Variants in YARS1 observed in about 807,000 individuals in gnomAD.
The protein encoded by YARS1 is tyrosyl-tRNA synthetase 1.
Under a neutral mutation model 62.2 loss-of-function variants are expected in YARS1, and 36 were observed. The observed-to-expected ratio is 0.58, with a 90% CI of 0.44 to 0.76. YARS1 has a LOEUF of 0.76. Among genes scored for constraint, YARS1 ranks in the 30% least tolerant of loss-of-function variants. YARS1 has a pLI of 0.00. For synonymous variants in YARS1, 234 were observed against 244.9 expected (o/e 0.96, Z 0.42); for missense variants, 524 against 639.8 (o/e 0.82, Z 1.95).
chr1:32,789,914 G>A (rs1222570923), intron 6 of YARS1, among the ~76,000 whole-genome samples: 1 of 136,376 alleles, frequency 7.3e-6, no homozygotes, highest in Non-Finnish European at 1.6e-5. Flanking sequence ...AGGGAGTCTC[G>A]CTCTTGTTGC....
chr1:32,792,971 G>C (rs574864617), intron 5 of YARS1, among the ~76,000 whole-genome samples: 7 of 151,736 alleles, frequency 4.6e-5, no homozygotes, highest in African/African-American at 1.7e-4. Flanking sequence ...AACCAAAAAG[G>C]AAATAAGAAA....
chr1:32,790,257 C>T (rs925582668), intron 6 of YARS1, among the ~76,000 whole-genome samples: 2 of 145,484 alleles, frequency 1.4e-5, no homozygotes, highest in African/African-American at 5.0e-5. Context: ...GCCTATAATC[C>T]CAGCACCTTG....
At chr1:32,807,676 T>G (rs935088853) in intron 3 of YARS1, among the ~76,000 whole-genome samples, 2 of 152,154 alleles carry the variant, frequency 1.3e-5, no homozygotes, top group African/African-American at 4.8e-5. Context: ...CAGGCTGGTC[T>G]GGAACTGCTG....
At chr1:32,800,723 G>A (rs971041395) in intron 4 of YARS1, among the ~76,000 whole-genome samples, 1 of 151,962 alleles carries the variant, frequency 6.6e-6, no homozygotes, top group Non-Finnish European at 1.5e-5. Flanking sequence ...ACAGGCGCCC[G>A]TCACCACACC....
intron 8 of YARS1, among the ~76,000 whole-genome samples, chr1:32,784,517 C>T (rs1022886078): frequency 1.3e-5 from 2 of 152,104 alleles, no homozygotes; most frequent in Non-Finnish European, 2.9e-5. Context: ...ATACATCATG[C>T]TGCTTCATCC....
chr1:32,812,056 A>C (rs1261177791), intron 1 of YARS1, among the ~76,000 whole-genome samples: 1 of 151,992 alleles, frequency 6.6e-6, no homozygotes, highest in Non-Finnish European at 1.5e-5. Flanking sequence ...AGGTCTTGCT[A>C]TGCTGCCCTG....
chr1:32,782,190 A>T, intron 9 of YARS1: 1 of 682,474 alleles, frequency 1.5e-6, no homozygotes. Flanking sequence ...AGCTCTCAGC[A>T]ATGCCGGTAC....
At chr1:32,784,742 A>G (rs1251201325) in intron 8 of YARS1, among the ~76,000 whole-genome samples, 1 of 152,078 alleles carries the variant, frequency 6.6e-6, no homozygotes, top group African/African-American at 2.4e-5. Flanking sequence ...ACACACATAC[A>G]CACATATGTT....
At chr1:32,811,311 A>C in intron 1 of YARS1, 1 of 534,550 alleles carries the variant, frequency 1.9e-6, no homozygotes, top group East Asian at 3.5e-5. Context: ...CCTCTTACCC[A>C]CCCCCCTTCC....
intron 12 of YARS1, among the ~76,000 whole-genome samples, chr1:32,778,969 A>T (rs1050263848): frequency 6.7e-6 from 1 of 150,086 alleles, no homozygotes; most frequent in East Asian, 2.0e-4. Flanking sequence ...TGAACTCCTG[A>T]CCTCAGGTGA....
At chr1:32,812,053 G>C (rs901930317) in intron 1 of YARS1, among the ~76,000 whole-genome samples, 4 of 152,016 alleles carry the variant, frequency 2.6e-5, no homozygotes, top group Admixed American at 1.3e-4. Context: ...ACAAGGTCTT[G>C]CTATGCTGCC....
intron 8 of YARS1, among the ~76,000 whole-genome samples, chr1:32,784,429 C>T (rs1275249713): frequency 1.3e-5 from 2 of 152,040 alleles, no homozygotes; most frequent in Non-Finnish European, 2.9e-5. Flanking sequence ...CCTTTGTGAC[C>T]TGGCCCTGCC....
intron 4 of YARS1, chr1:32,798,325 G>A (rs1478837044): frequency 4.8e-6 from 1 of 209,032 alleles, no homozygotes; most frequent in Admixed American, 5.3e-5. Context: ...CTGAGTGTTT[G>A]CGGTGAACAT....
At chr1:32,790,612 C>T (rs1256171825) in intron 6 of YARS1, 1 of 148,714 alleles carries the variant, frequency 6.7e-6, no homozygotes, top group East Asian at 2.0e-4. Flanking sequence ...ATCAGAATCT[C>T]TATGGACAAG....
chr1:32,798,816 C>G (rs1387031437), intron 4 of YARS1, among the ~76,000 whole-genome samples: 1 of 152,080 alleles, frequency 6.6e-6, no homozygotes, highest in Admixed American at 6.6e-5. Flanking sequence ...GAGTGAAGCC[C>G]TGTCTCAAAA....
At position 32,779,298 on chromosome 1, in the gene YARS1, G is replaced by A. The variant is rs1200695505; in HGVS notation, c.1476+84C>T. 4.4e-6 allele frequency: 7 copies of A among 1,607,838 alleles called. No homozygotes were observed. The East Asian group carries it at 1.6e-4, about 36-fold the overall frequency. ...ATGCAGGAAGTCCCAACAGAGAGGG[G>A]CAGCTATGGCTTCAGTAACAGGACA... On this transcript the variant is annotated intron_variant, in intron 12 of 12. Coordinates refer to ENST00000373477, the MANE Select transcript of YARS1 (RefSeq NM_003680.4).
chr1:32,800,913 T>C (rs1271586861), intron 4 of YARS1, among the ~76,000 whole-genome samples: 1 of 152,202 alleles, frequency 6.6e-6, no homozygotes, highest in African/African-American at 2.4e-5. Context: ...CGTACAAATA[T>C]ATGTGCACAC....
intron 1 of YARS1, chr1:32,811,612 C>A (rs571262593): frequency 6.1e-6 from 1 of 165,070 alleles, no homozygotes; most frequent in Non-Finnish European, 1.3e-5. Flanking sequence ...GGCTCCTCCT[C>A]CCCTTTCTAA....
intron 9 of YARS1, chr1:32,782,196 G>A (rs699004): frequency 2.4e-5 from 17 of 713,480 alleles, no homozygotes; most frequent in African/African-American, 7.1e-5. Flanking sequence ...CAGCAATGCC[G>A]GTACAAAAGG....
Sources: gnomAD v4.1 joint callset for allele counts (sites outside exome capture counted in the v4.1 genomes callset) on GRCh38, gnomAD v4.1.1 for gene constraint, MANE v1.5 for transcripts, NCBI Gene and HGNC (gene_info 2026-07-23, HGNC 2026-07-21) for gene names.